Variants in SYT1 observed in about 807,000 individuals in gnomAD.
The protein encoded by SYT1 is synaptotagmin 1.
Under a neutral mutation model 44.8 loss-of-function variants are expected in SYT1, and 8 were observed. That is an observed-to-expected ratio of 0.18 (90% CI 0.10 to 0.32). SYT1 has a LOEUF of 0.32. Among genes scored for constraint, SYT1 ranks in the 10% least tolerant of loss-of-function variants. SYT1 has a pLI of 1.00. For synonymous variants in SYT1, 154 were observed against 188.8 expected, an observed-to-expected ratio of 0.82 and a Z score of 1.51; for missense variants, 286 against 509.3, an observed-to-expected ratio of 0.56 and a Z score of 4.22.
rs1299285798 is a variant in SYT1 at position 79,210,504 on chromosome 12, T to G, written c.-17-6999T>G. Among the ~76,000 whole-genome samples, 3 of 152,208 alleles carry G rather than the reference T, an allele frequency of 2.0e-5. No homozygotes were observed. In the South Asian group the frequency reaches 6.2e-4, roughly 31 times the overall value. ...ATCAGTGAGAACATACAATGTTTGG[T>G]TTTCCATTCCTGAGTTACTTCACTT... On this transcript the variant is annotated intron_variant, in intron 3 of 10. Coordinates refer to ENST00000261205, the MANE Select transcript of SYT1 (RefSeq NM_005639.3).
At chr12:79,176,209 G>C (rs1195118449) in intron 3 of SYT1, among the ~76,000 whole-genome samples, 2 of 150,412 alleles carry the variant, frequency 1.3e-5, no homozygotes, top group African/African-American at 4.9e-5. Flanking sequence ...AGAATCACTT[G>C]AACCTGGGAG....
At position 78,986,183 on chromosome 12, in the gene SYT1, G is replaced by A. The variant is rs184499299; in HGVS notation, c.-84+8252G>A. Among the ~76,000 whole-genome samples, 192 of 152,074 alleles carry A rather than the reference G, an allele frequency of 1.3e-3. 5 individuals carry two copies. Among genetic ancestry groups the A allele is most frequent in the Non-Finnish European group, 1.2e-3 (82 of 67,896 alleles). ...GAAAGAAATGTCGCTGGTGAATAGCGAAGATGATTTATGTGCATAAAGCTG... is the reference window on the plus strand; with the variant it reads ...GAAAGAAATGTCGCTGGTGAATAGCAAAGATGATTTATGTGCATAAAGCTG... On this transcript the variant is annotated intron_variant, in intron 2 of 10. Transcript: ENST00000261205.
At chr12:79,392,071 A>C (rs1884679074) in intron 9 of SYT1, among the ~76,000 whole-genome samples, 1 of 152,154 alleles carries the variant, frequency 6.6e-6, no homozygotes, top group African/African-American at 2.4e-5. Context: ...ACCACTAGAC[A>C]CCTATTATTA....
At chr12:79,249,955 A>C (rs1480598916) in intron 4 of SYT1, among the ~76,000 whole-genome samples, 1 of 152,224 alleles carries the variant, frequency 6.6e-6, no homozygotes, top group Non-Finnish European at 1.5e-5. Flanking sequence ...AAATAAAAAA[A>C]AAATAGGGTT....
At chr12:79,074,989 C>G (rs115906378) in intron 3 of SYT1, among the ~76,000 whole-genome samples, 11 of 152,154 alleles carry the variant, frequency 7.2e-5, no homozygotes, top group African/African-American at 2.6e-4. Context: ...AGTCCTGAAA[C>G]AAAAATATCA....
intron 3 of SYT1, among the ~76,000 whole-genome samples, chr12:79,146,991 C>T (rs1421119198): frequency 6.6e-6 from 1 of 152,078 alleles, no homozygotes; most frequent in Non-Finnish European, 1.5e-5. Context: ...CAGGCGCCCA[C>T]CACCATGTCC....
chr12:79,140,097 A>G (rs1204867413), intron 3 of SYT1, among the ~76,000 whole-genome samples: 1 of 152,230 alleles, frequency 6.6e-6, no homozygotes, highest in Non-Finnish European at 1.5e-5. Context: ...AGCTGCCAGA[A>G]ACTCGCTTCA....
At chr12:79,410,522 A>T (rs1868375559) in intron 9 of SYT1, among the ~76,000 whole-genome samples, 1 of 151,638 alleles carries the variant, frequency 6.6e-6, no homozygotes, top group African/African-American at 2.4e-5. Flanking sequence ...AAAAAAAAAA[A>T]AAAAAACAGA....
chr12:79,198,606 G>C (rs911813877), intron 3 of SYT1, among the ~76,000 whole-genome samples: 1 of 151,966 alleles, frequency 6.6e-6, no homozygotes, highest in Non-Finnish European at 1.5e-5. Context: ...CTCTCTGGAC[G>C]GTTTTGGAAT....
chr12:79,438,735 G>A (rs1870235404), intron 9 of SYT1, among the ~76,000 whole-genome samples: 1 of 152,128 alleles, frequency 6.6e-6, no homozygotes, highest in Non-Finnish European at 1.5e-5. Flanking sequence ...CACCATGCTA[G>A]GATCCTCTGC....
chr12:79,047,073 A>G (rs949419739), intron 2 of SYT1, among the ~76,000 whole-genome samples: 4 of 151,854 alleles, frequency 2.6e-5, no homozygotes, highest in African/African-American at 9.7e-5. Context: ...TCAGTATATA[A>G]ACTATCCACA....
In SYT1 at chr12:79,396,998, G is replaced by T. The variant is rs1199655926; in HGVS notation, c.928+43379G>T. On this transcript the variant is annotated intron_variant, in intron 9 of 10. Coordinates refer to ENST00000261205, the MANE Select transcript of SYT1 (RefSeq NM_005639.3). ...TAACATATGAAAACCTAGAGGAAGAGGGTTTCAGGCAATAAGAAATGTGAA... is the reference window on the plus strand; with the variant it reads ...TAACATATGAAAACCTAGAGGAAGATGGTTTCAGGCAATAAGAAATGTGAA... 2.0e-5 allele frequency among the ~76,000 whole-genome samples: 3 copies of T among 152,178 alleles called. No homozygotes were observed. The East Asian group carries it at 5.8e-4, about 29-fold the overall frequency.
chr12:79,081,847 T>C (rs947621356), intron 3 of SYT1, among the ~76,000 whole-genome samples: 19 of 152,214 alleles, frequency 1.2e-4, no homozygotes, highest in African/African-American at 4.1e-4. Flanking sequence ...CTGCTCTGCT[T>C]TCCCCAGGAG....
intron 3 of SYT1, among the ~76,000 whole-genome samples, chr12:79,179,033 T>G (rs59219108): frequency 0.23 from 3,888 of 17,138 alleles, 1,108 homozygotes; most frequent in African/African-American, 0.51. Context: ...TATAGATATA[T>G]AGATATAGAT....
chr12:79,101,979 G>A (rs1419102188), intron 3 of SYT1, among the ~76,000 whole-genome samples: 1 of 151,984 alleles, frequency 6.6e-6, no homozygotes, highest in Non-Finnish European at 1.5e-5. Context: ...ATTTGTTATT[G>A]CGTTCAAGAC....
chr12:79,370,741 C>T (rs976775827), intron 9 of SYT1, among the ~76,000 whole-genome samples: 2 of 151,280 alleles, frequency 1.3e-5, no homozygotes, highest in African/African-American at 2.4e-5. Context: ...CCAGCCTGGG[C>T]GACAGAGCGA....
At chr12:79,074,237 A>C (rs1337861498) in intron 3 of SYT1, among the ~76,000 whole-genome samples, 1 of 152,106 alleles carries the variant, frequency 6.6e-6, no homozygotes, top group East Asian at 1.9e-4. Flanking sequence ...ATCGTCCTCT[A>C]TTTAACATTC....
chr12:78,871,065 T>C (rs1446170775), intron 1 of SYT1, among the ~76,000 whole-genome samples: 2 of 152,078 alleles, frequency 1.3e-5, no homozygotes, highest in Non-Finnish European at 2.9e-5. Flanking sequence ...ATAGTATTTT[T>C]TTAACTTAAC....
chr12:79,230,543 C>G (rs1875809629), intron 4 of SYT1, among the ~76,000 whole-genome samples: 1 of 151,816 alleles, frequency 6.6e-6, no homozygotes, highest in Non-Finnish European at 1.5e-5. Context: ...TTGTTATGAA[C>G]TGGGGTAATA....
Sources: allele counts gnomAD v4.1 joint callset (sites outside exome capture counted in the v4.1 genomes callset), GRCh38; gene constraint gnomAD v4.1.1; transcripts MANE v1.5; gene names NCBI Gene and HGNC (gene_info 2026-07-23, HGNC 2026-07-21).